Variants in FER observed in about 807,000 individuals in gnomAD.
FER encodes the protein tyrosine-protein kinase Fer.
A neutral mutation model predicts 111.0 loss-of-function variants in FER; 63 were observed. The observed-to-expected ratio is 0.57, with a 90% confidence interval of 0.46 to 0.70. FER has a LOEUF of 0.70. FER is among the 30% of genes least tolerant of loss of function. The probability of loss-of-function intolerance (pLI) is 0.00; values close to 1 mark genes in which losing one functional copy is unlikely to be tolerated. For missense variants in FER, 914 were observed against 954.0 expected (o/e 0.96, Z 0.55); for synonymous variants, 327 against 313.9 (o/e 1.04, Z -0.44).
intron 9 of FER, among the ~76,000 whole-genome samples, chr5:108,893,112 G>A (rs1334066481): frequency 1.3e-5 from 2 of 152,096 alleles, no homozygotes; most frequent in Non-Finnish European, 2.9e-5. Flanking sequence ...GATGCCTCCA[G>A]CTTTGTTCTT....
At chr5:109,134,254 T>C (rs1006747196) in intron 17 of FER, among the ~76,000 whole-genome samples, 5 of 152,118 alleles carry the variant, frequency 3.3e-5, no homozygotes, top group African/African-American at 1.2e-4. Flanking sequence ...ACTTGATTAG[T>C]CTGCTGTGCT....
At chr5:109,124,044 G>A (rs747854486) in intron 17 of FER, among the ~76,000 whole-genome samples, 1 of 151,864 alleles carries the variant, frequency 6.6e-6, no homozygotes, top group African/African-American at 2.4e-5. Context: ...GAGCAACATG[G>A]CAAAACCTGA....
chr5:108,821,991 C>T (rs1409420486), intron 3 of FER, among the ~76,000 whole-genome samples: 1 of 152,112 alleles, frequency 6.6e-6, no homozygotes, highest in Non-Finnish European at 1.5e-5. Context: ...TTCCCTTTGA[C>T]CAAAATGTCC....
intron 13 of FER, among the ~76,000 whole-genome samples, chr5:108,988,690 T>C (rs1425078120): frequency 6.6e-6 from 1 of 152,154 alleles, no homozygotes; most frequent in East Asian, 1.9e-4. Context: ...TCTGGGTTAA[T>C]GCTGCTAATG....
intron 18 of FER, among the ~76,000 whole-genome samples, chr5:109,183,137 C>T (rs1486106484): frequency 6.6e-6 from 1 of 152,092 alleles, no homozygotes; most frequent in Non-Finnish European, 1.5e-5. Flanking sequence ...ATTTAATACC[C>T]AGTCCAATGA....
chr5:109,146,244 A>ATATTATCTATCTAATATATATATAGATT (rs373376729), intron 17 of FER, among the ~76,000 whole-genome samples: 1 of 67,314 alleles, frequency 1.5e-5, no homozygotes. Context: ...ATATATATAT[A>ATATTATCTATCTAATATATATATAGATT]ATCTATCTAA....
intron 3 of FER, among the ~76,000 whole-genome samples, chr5:108,800,922 C>A (rs1262217427): frequency 1.3e-5 from 2 of 152,146 alleles, no homozygotes; most frequent in Non-Finnish European, 2.9e-5. Context: ...TGGCGAGTGC[C>A]TGTAGTCCCA....
Position 109,191,261 on chromosome 5 carries a change from T to G in FER, c.*3686T>G, listed in dbSNP as rs575592429. 6.6e-6 allele frequency: 1 copy of G among 152,320 alleles called. No individual in the cohort carries two copies. The highest frequency in any genetic ancestry group is 2.1e-4 in the South Asian group (1 of 4,828). 9.4% of individuals were successfully genotyped at this position (152,320 alleles called of 1,614,324 possible). A position where few individuals can be genotyped will look rare whatever the true frequency, so the allele number is the denominator to read the frequency against. ...AGTCACACCACTTTATAATTAATTC[T>G]GGTGAGTCATCAGATGTAGGAATGT... is the stretch of plus-strand genomic sequence containing the variant. On this transcript the variant is annotated 3_prime_UTR_variant, in exon 20 of 20. Coordinates refer to ENST00000281092, the MANE Select transcript of FER (RefSeq NM_005246.4).
intron 17 of FER, among the ~76,000 whole-genome samples, chr5:109,155,246 CAAG>C (rs1237909759): frequency 1.3e-5 from 2 of 151,778 alleles, no homozygotes; most frequent in African/African-American, 2.4e-5. Context: ...TCCTATCTGG[CAAG>C]AAACTTTCTG....
At chr5:109,041,056 G>T (rs1272264103) in intron 14 of FER, among the ~76,000 whole-genome samples, 1 of 152,068 alleles carries the variant, frequency 6.6e-6, no homozygotes, top group Non-Finnish European at 1.5e-5. Context: ...TAGAAGAGAA[G>T]CAGTCATCCA....
rs56144240 is a variant in FER at position 108,994,924 on chromosome 5, T to G, written c.1656+35577T>G. Among the ~76,000 whole-genome samples the G allele has an allele frequency of 5.8e-3, 888 of 152,278 alleles. 9 individuals carry two copies. The highest frequency in any genetic ancestry group is 0.02 in the African/African-American group (828 of 41,540). Reference sequence around the variant, plus strand: ...TGGTGCTTTGCTTGTCTATTGTTGGTATATAGGAATGCTTGTGATTTTTGC... The same window carrying G: ...TGGTGCTTTGCTTGTCTATTGTTGGGATATAGGAATGCTTGTGATTTTTGC... On this transcript the variant is annotated intron_variant, in intron 13 of 19. Transcript: ENST00000281092.
intron 13 of FER, among the ~76,000 whole-genome samples, chr5:108,974,780 C>G (rs906036882): frequency 2.0e-5 from 3 of 152,074 alleles, no homozygotes; most frequent in Non-Finnish European, 4.4e-5. Context: ...TGGCCAAGGT[C>G]CAAGGAATGA....
chr5:108,754,344 C>T (rs754576489), intron 1 of FER, among the ~76,000 whole-genome samples: 1 of 146,834 alleles, frequency 6.8e-6, no homozygotes, highest in Non-Finnish European at 1.5e-5. Flanking sequence ...GAGTTCAATA[C>T]TGCATTGAGC....
At chr5:108,829,031 A>G (rs950120763) in intron 3 of FER, among the ~76,000 whole-genome samples, 18 of 152,230 alleles carry the variant, frequency 1.2e-4, no homozygotes, top group African/African-American at 4.3e-4. Flanking sequence ...AAAGAGCTAT[A>G]TCTGCAACGT....
intron 1 of FER, among the ~76,000 whole-genome samples, chr5:108,763,909 G>A (rs555773947): frequency 3.9e-5 from 6 of 152,260 alleles, no homozygotes; most frequent in Admixed American, 1.3e-4. Flanking sequence ...TGTCTAGTAG[G>A]TACTTATCAT....
At chr5:108,964,491 A>G (rs1447047959) in intron 13 of FER, among the ~76,000 whole-genome samples, 4 of 152,188 alleles carry the variant, frequency 2.6e-5, no homozygotes, top group South Asian at 4.1e-4. Flanking sequence ...CTGACTGTCT[A>G]TTCTCCTTGT....
intron 3 of FER, among the ~76,000 whole-genome samples, chr5:108,816,368 T>C (rs75981347): frequency 0.23 from 34,638 of 152,126 alleles, 4,129 homozygotes; most frequent in African/African-American, 0.28. Flanking sequence ...ATTTCAACTT[T>C]CTGTCAAATT....
At chr5:108,946,079 A>T in intron 10 of FER, 51 bp from the exon 11 acceptor site, 1 of 1,241,382 alleles carries the variant, frequency 8.1e-7, no homozygotes, top group Non-Finnish European at 1.2e-6. Context: ...AAATGTCTAT[A>T]CATATTGGAT....
At chr5:109,132,777 G>A (rs1752493481) in intron 17 of FER, among the ~76,000 whole-genome samples, 1 of 152,132 alleles carries the variant, frequency 6.6e-6, no homozygotes, top group Non-Finnish European at 1.5e-5. Flanking sequence ...TAGCCCAGAT[G>A]GCAGCACCTG....
Sources: allele counts gnomAD v4.1 joint callset (sites outside exome capture counted in the v4.1 genomes callset), GRCh38; gene constraint gnomAD v4.1.1; transcripts MANE v1.5; gene names NCBI Gene and HGNC (gene_info 2026-07-23, HGNC 2026-07-21).